The following NXPH1 variants were observed in gnomAD, a reference collection of about 807,000 sequenced individuals.
NXPH1 encodes neurexophilin-1.
Under a neutral mutation model 23.7 loss-of-function variants are expected in NXPH1, and 5 were observed. That is an observed-to-expected ratio of 0.21 (90% CI 0.11 to 0.44). The LOEUF is 0.44. NXPH1 is among the 20% of genes least tolerant of loss of function. The pLI, the probability that NXPH1 is intolerant of heterozygous loss-of-function variation, is 0.99. For synonymous variants in NXPH1, 144 were observed against 122.2 expected (o/e 1.18, Z -1.18); for missense variants, 324 against 321.6 (o/e 1.01, Z -0.06).
intron 2 of NXPH1, among the ~76,000 whole-genome samples, chr7:8,514,209 C>T (rs975356175): frequency 1.3e-5 from 2 of 152,138 alleles, no homozygotes; most frequent in African/African-American, 4.8e-5. Context: ...TAATCCATAA[C>T]TTACCACATC....
chr7:8,594,049 G>C (rs959233543), intron 2 of NXPH1, among the ~76,000 whole-genome samples: 15 of 151,946 alleles, frequency 9.9e-5, no homozygotes, highest in African/African-American at 3.6e-4. Context: ...CACTGCTTTA[G>C]GGCATTTTTG....
At chr7:8,704,131 G>A (rs1253207490) in intron 2 of NXPH1, among the ~76,000 whole-genome samples, 1 of 152,066 alleles carries the variant, frequency 6.6e-6, no homozygotes, top group African/African-American at 2.4e-5. Context: ...GCAGAAATTT[G>A]TGATTTCATG....
chr7:8,563,540 A>T (rs1818486878), intron 2 of NXPH1, among the ~76,000 whole-genome samples: 1 of 151,794 alleles, frequency 6.6e-6, no homozygotes, highest in Admixed American at 6.6e-5. Context: ...GAAGGGATTG[A>T]AACAAGACTC....
At chr7:8,527,135 C>G (rs1343804853) in intron 2 of NXPH1, among the ~76,000 whole-genome samples, 1 of 152,176 alleles carries the variant, frequency 6.6e-6, no homozygotes, top group Admixed American at 6.5e-5. Flanking sequence ...TCATTAGTGG[C>G]CAAAGTAATA....
At chr7:8,637,719 C>G (rs1388024222) in intron 2 of NXPH1, among the ~76,000 whole-genome samples, 1 of 152,154 alleles carries the variant, frequency 6.6e-6, no homozygotes, top group African/African-American at 2.4e-5. Flanking sequence ...GTGCAATGAA[C>G]TCACAATACA....
At chr7:8,672,064 A>T (rs1273724505) in intron 2 of NXPH1, among the ~76,000 whole-genome samples, 2 of 152,086 alleles carry the variant, frequency 1.3e-5, no homozygotes, top group Non-Finnish European at 2.9e-5. Flanking sequence ...GTTCGCTCTG[A>T]TGGTAGTTTC....
At chr7:8,656,309 G>T (rs999898760) in intron 2 of NXPH1, among the ~76,000 whole-genome samples, 5 of 152,136 alleles carry the variant, frequency 3.3e-5, no homozygotes, top group Admixed American at 6.5e-5. Flanking sequence ...TAGAATAAAT[G>T]AATAATTAAT....
At chr7:8,524,506 G>C (rs1817831729) in intron 2 of NXPH1, among the ~76,000 whole-genome samples, 1 of 152,068 alleles carries the variant, frequency 6.6e-6, no homozygotes, top group Non-Finnish European at 1.5e-5. Flanking sequence ...GGAAATCATA[G>C]CATGGATTGT....
intron 2 of NXPH1, among the ~76,000 whole-genome samples, chr7:8,552,476 G>A (rs1475332512): frequency 6.6e-6 from 1 of 151,366 alleles, no homozygotes; most frequent in African/African-American, 2.4e-5. Context: ...CAGATGTCAA[G>A]GTGAAAGAAA....
intron 2 of NXPH1, among the ~76,000 whole-genome samples, chr7:8,683,153 G>A (rs981300172): frequency 1.3e-5 from 2 of 152,202 alleles, no homozygotes; most frequent in African/African-American, 2.4e-5. Context: ...TGAAGTGGGA[G>A]CAGGTGTGTC....
chr7:8,592,580 A>G (rs903099115), intron 2 of NXPH1, among the ~76,000 whole-genome samples: 1 of 151,964 alleles, frequency 6.6e-6, no homozygotes, highest in African/African-American at 2.4e-5. Context: ...CATTTTATTC[A>G]TATTATTTCT....
At chr7:8,499,887 G>A (rs1048291497) in intron 2 of NXPH1, among the ~76,000 whole-genome samples, 27 of 152,058 alleles carry the variant, frequency 1.8e-4, no homozygotes, top group African/African-American at 2.9e-4. Context: ...CTCCTTGTGC[G>A]GCCACATTAG....
At chr7:8,520,110 G>A (rs1368369781) in intron 2 of NXPH1, among the ~76,000 whole-genome samples, 1 of 152,016 alleles carries the variant, frequency 6.6e-6, no homozygotes, top group Non-Finnish European at 1.5e-5. Context: ...GAGAAATACG[G>A]ATTGAAAAAA....
intron 2 of NXPH1, among the ~76,000 whole-genome samples, chr7:8,705,173 G>A (rs1384974950): frequency 6.6e-6 from 1 of 152,098 alleles, no homozygotes; most frequent in East Asian, 1.9e-4. Flanking sequence ...TGCACTCACA[G>A]GTTTATGCAA....
intron 2 of NXPH1, among the ~76,000 whole-genome samples, chr7:8,524,781 C>A (rs749927385): frequency 3.9e-5 from 6 of 152,158 alleles, no homozygotes; most frequent in African/African-American, 1.4e-4. Context: ...TCATTTTTCT[C>A]TTGCTGCCAC....
chr7:8,640,222 C>G (rs1278806762), intron 2 of NXPH1, among the ~76,000 whole-genome samples: 1 of 151,976 alleles, frequency 6.6e-6, no homozygotes, highest in Non-Finnish European at 1.5e-5. Flanking sequence ...ATTTCAAATT[C>G]AAAGAGAAAT....
At chr7:8,715,224 C>G (rs1437804579) in intron 2 of NXPH1, among the ~76,000 whole-genome samples, 1 of 152,124 alleles carries the variant, frequency 6.6e-6, no homozygotes, top group East Asian at 1.9e-4. Flanking sequence ...TGTTCCAATG[C>G]AAAGTTCCAC....
At chr7:8,441,648 G>T (rs1232861708) in intron 2 of NXPH1, among the ~76,000 whole-genome samples, 7 of 152,182 alleles carry the variant, frequency 4.6e-5, no homozygotes, top group Non-Finnish European at 7.3e-5. Flanking sequence ...TGCCAACCCA[G>T]ATCAGAAAAG....
intron 2 of NXPH1, among the ~76,000 whole-genome samples, chr7:8,748,284 T>G (rs1780505688): frequency 6.6e-6 from 1 of 152,168 alleles, no homozygotes; most frequent in South Asian, 2.1e-4. Flanking sequence ...GGAAAGAGTT[T>G]GGGTACATAG....
Sources: allele counts gnomAD v4.1 joint callset (sites outside exome capture counted in the v4.1 genomes callset), GRCh38; gene constraint gnomAD v4.1.1; transcripts MANE v1.5; gene names NCBI Gene and HGNC (gene_info 2026-07-23, HGNC 2026-07-21).